The following RIMS1 variants were observed in gnomAD, a reference collection of about 807,000 sequenced individuals.
RIMS1 encodes the protein regulating synaptic membrane exocytosis 1.
RIMS1 carries 83 observed loss-of-function variants against 214.1 expected under a neutral mutation model. The observed-to-expected ratio is 0.39, with a 90% CI of 0.32 to 0.47. The LOEUF (loss-of-function observed/expected upper bound fraction) is 0.47, where lower values mean the gene tolerates loss of function less well. Among genes scored for constraint, RIMS1 ranks in the 20% least tolerant of loss-of-function variants. The pLI is 0.99. For missense variants in RIMS1, 2,050 were observed against 2,161.8 expected (o/e 0.95, Z 1.03); for synonymous variants, 793 against 786.8 (o/e 1.01, Z -0.13).
At chr6:71,984,743 G>GTGTATGTATGTATGTA (rs68138613) in intron 2 of RIMS1, among the ~76,000 whole-genome samples, 301 of 149,076 alleles carry the variant, frequency 2.0e-3, no homozygotes, top group African/African-American at 6.5e-3. Context: ...GTATCCATCT[G>GTGTATGTATGTATGTA]TGTATGTATG....
chr6:72,227,314 T>C (rs1037838407), intron 6 of RIMS1, among the ~76,000 whole-genome samples: 145 of 152,024 alleles, frequency 9.5e-4, no homozygotes, highest in Non-Finnish European at 5.9e-4. Context: ...AAAATGTTTT[T>C]AGTATACATT....
chr6:72,109,150 A>G (rs374835947), intron 4 of RIMS1, among the ~76,000 whole-genome samples: 1 of 152,070 alleles, frequency 6.6e-6, no homozygotes, highest in Non-Finnish European at 1.5e-5. Context: ...GAATAGTGCC[A>G]CAATAAACAT....
intron 22 of RIMS1, among the ~76,000 whole-genome samples, chr6:72,266,969 A>G (rs1325825976): frequency 1.3e-5 from 2 of 152,072 alleles, no homozygotes; most frequent in African/African-American, 4.8e-5. Context: ...TAACTTTCTA[A>G]TCTGAGTCTA....
chr6:71,986,404 G>A (rs1375921031), intron 2 of RIMS1, among the ~76,000 whole-genome samples: 1 of 152,120 alleles, frequency 6.6e-6, no homozygotes, highest in African/African-American at 2.4e-5. Context: ...AATGGAGATG[G>A]TGGAATTAGG....
At chr6:71,965,898 C>T (rs1362427476) in intron 1 of RIMS1, among the ~76,000 whole-genome samples, 2 of 152,024 alleles carry the variant, frequency 1.3e-5, no homozygotes, top group Non-Finnish European at 2.9e-5. Context: ...GAGACAGACC[C>T]CTTAAAAGCT....
At chr6:72,317,969 G>A (rs1477950445) in intron 28 of RIMS1, among the ~76,000 whole-genome samples, 1 of 152,022 alleles carries the variant, frequency 6.6e-6, no homozygotes, top group Admixed American at 6.6e-5. Context: ...TTATCATTAT[G>A]TAATAAATCT....
At chr6:72,160,206 G>C (rs2045147877) in intron 4 of RIMS1, among the ~76,000 whole-genome samples, 1 of 121,828 alleles carries the variant, frequency 8.2e-6, no homozygotes, top group Admixed American at 9.0e-5. Flanking sequence ...TGGTGTATAA[G>C]AATGCTTGTG....
chr6:71,893,138 TTTGAAGG>T (rs1770483597), intron 1 of RIMS1, among the ~76,000 whole-genome samples: 1 of 152,192 alleles, frequency 6.6e-6, no homozygotes, highest in African/African-American at 2.4e-5. Flanking sequence ...TCCAGTAGTC[TTTGAAGG>T]TACTAGGGGG....
rs140366893 is a variant in RIMS1, at chr6:72,214,388, G to T, written c.1679-19385G>T. 9.5e-3 allele frequency among the ~76,000 whole-genome samples: 1,442 copies of T among 151,912 alleles called. 10 individuals are homozygous for T. The highest frequency in any genetic ancestry group is 0.031 in the Middle Eastern group (9 of 292). ...GAAAATACTTGATAAACCCTGTTTG[G>T]ATTTATTAAGTATTTTCTGTTAGAA... On this transcript the variant is annotated intron_variant, in intron 6 of 33. Transcript: ENST00000521978.
At chr6:72,335,589 G>T (rs1337329611) in intron 29 of RIMS1, among the ~76,000 whole-genome samples, 1 of 152,016 alleles carries the variant, frequency 6.6e-6, no homozygotes, top group Non-Finnish European at 1.5e-5. Flanking sequence ...TATATACCCA[G>T]TAATGGGATT....
At chr6:72,279,589 G>C (rs1263904092) in intron 23 of RIMS1, among the ~76,000 whole-genome samples, 1 of 151,864 alleles carries the variant, frequency 6.6e-6, no homozygotes, top group Non-Finnish European at 1.5e-5. Flanking sequence ...ATTTATGCCA[G>C]AACAAAAAAG....
chr6:72,200,854 CAATTGTGT>C (rs1282004820), intron 6 of RIMS1, among the ~76,000 whole-genome samples: 1 of 101,586 alleles, frequency 9.8e-6, no homozygotes, highest in East Asian at 2.8e-4. Context: ...TGAAAGGACA[CAATTGTGT>C]GTGTGTGTGT....
intron 2 of RIMS1, among the ~76,000 whole-genome samples, chr6:72,041,798 T>C (rs1453413006): frequency 1.3e-5 from 2 of 151,988 alleles, no homozygotes; most frequent in Admixed American, 1.3e-4. Flanking sequence ...CTTCCTTGTA[T>C]TTCATCGTTG....
chr6:72,027,760 T>G (rs1816954788), intron 2 of RIMS1, among the ~76,000 whole-genome samples: 1 of 152,104 alleles, frequency 6.6e-6, no homozygotes, highest in Non-Finnish European at 1.5e-5. Context: ...AGTTTCAATT[T>G]TTATGGGTTT....
At position 72,265,398 on chromosome 6, in the gene RIMS1, T is replaced by C. The variant is rs753857836; in HGVS notation, c.3203T>C (p.Leu1068Pro). 1.9e-6 allele frequency: 3 copies of C among 1,576,668 alleles called. No individual in the cohort carries two copies. The highest frequency in any genetic ancestry group is 1.7e-6 in the Non-Finnish European group (2 of 1,150,634). ...AATTTTAATTTGTGGAGCTCAATTC[T>C]GCCTGCACATACTAAGACCAAATCA... is the stretch of plus-strand genomic sequence containing the variant. ...SSHWNIYSSILPAHTKTKSVT... is the reference protein window; with the variant it reads ...SSHWNIYSSIPPAHTKTKSVT... The change falls in exon 21 of 34, where the codon CTG becomes CCG. Residue 1068 changes from leucine to proline, a missense_variant. By Grantham distance (98) the Leu-to-Pro change is moderately conservative (BLOSUM62 -3). Transcript: ENST00000521978.
chr6:71,908,144 G>A (rs928356649), intron 1 of RIMS1, among the ~76,000 whole-genome samples: 3 of 152,158 alleles, frequency 2.0e-5, no homozygotes, highest in Admixed American at 6.6e-5. Context: ...CAACTCCTTG[G>A]CTTTTAGTTT....
At chr6:72,396,915 A>G (rs1169051445) in intron 31 of RIMS1, among the ~76,000 whole-genome samples, 1 of 152,172 alleles carries the variant, frequency 6.6e-6, no homozygotes, top group Admixed American at 6.5e-5. Context: ...CAGGAGACTG[A>G]GGCAGGAGAA....
At position 72,157,530 on chromosome 6, in the gene RIMS1, C is replaced by A. The variant is rs2044600570; in HGVS notation, c.472-22045C>A. ...TTCATCATAATTAAATGCTCCTTTTCATCTCTAGTAAGGTTTACTGCATCA... is the reference window on the plus strand; with the variant it reads ...TTCATCATAATTAAATGCTCCTTTTAATCTCTAGTAAGGTTTACTGCATCA... On this transcript the variant is annotated intron_variant, in intron 4 of 33. Coordinates refer to ENST00000521978, the MANE Select transcript of RIMS1 (RefSeq NM_014989.7). Among the ~76,000 whole-genome samples, 2 of 140,314 alleles carry A rather than the reference C, an allele frequency of 1.4e-5. 1 individual carries two copies. Among genetic ancestry groups the A allele is most frequent in the Non-Finnish European group, 3.2e-5 (2 of 61,728 alleles). 92.1% of individuals were successfully genotyped at this position (140,314 alleles called of 152,430 possible).
intron 23 of RIMS1, among the ~76,000 whole-genome samples, chr6:72,278,434 C>T (rs913594820): frequency 3.3e-5 from 5 of 152,002 alleles, no homozygotes; most frequent in African/African-American, 1.2e-4. Context: ...AATCCTCAAC[C>T]AAGAGTATCA....
Sources: allele counts gnomAD v4.1 joint callset (sites outside exome capture counted in the v4.1 genomes callset), GRCh38; gene constraint gnomAD v4.1.1; transcripts MANE v1.5; gene names NCBI Gene and HGNC (gene_info 2026-07-23, HGNC 2026-07-21).